GATA4: variants seen among roughly 807,000 people sequenced by gnomAD.
GATA4 encodes the protein GATA binding protein 4, also known as transcription factor GATA-4.
GATA4 carries 7 observed loss-of-function variants against 37.9 expected under a neutral mutation model. The observed-to-expected ratio is 0.18, with a 90% CI of 0.11 to 0.35. The LOEUF (loss-of-function observed/expected upper bound fraction) is 0.35. Among genes scored for constraint, GATA4 ranks in the 10% least tolerant of loss-of-function variants. GATA4 has a pLI of 1.00. For synonymous variants in GATA4, 372 were observed against 292.6 expected (o/e 1.27, Z -2.77); for missense variants, 647 against 653.0 (o/e 0.99, Z 0.10).
intron 1 of GATA4, chr8:11,680,587 C>G (rs925264717): frequency 1.0e-6 from 1 of 985,210 alleles, no homozygotes; most frequent in Non-Finnish European, 1.2e-6. Context: ...CAGGCTATGC[C>G]CAGCCGGGTC....
At chr8:11,732,959 C>T (rs537238375) in intron 2 of GATA4, among the ~76,000 whole-genome samples, 1 of 152,266 alleles carries the variant, frequency 6.6e-6, no homozygotes, top group Admixed American at 6.5e-5. Flanking sequence ...AATGCCCAAC[C>T]TCCAAATACC....
At chr8:11,697,540 G>A in intron 1 of GATA4, 1 of 985,300 alleles carries the variant, frequency 1.0e-6, no homozygotes, top group Non-Finnish European at 1.2e-6. Flanking sequence ...GGTCGTGGAG[G>A]CCACTTTCCC....
chr8:11,707,947 G>A lies in GATA4; in HGVS notation c.-366G>A, dbSNP rs1563199085. On this transcript the variant is annotated 5_prime_UTR_variant, in exon 2 of 7. Coordinates refer to ENST00000532059, the MANE Select transcript of GATA4 (RefSeq NM_001308093.3). This position sits in a 1 kb window ranked among gnomAD's most constrained non-coding sequence, Gnocchi z 4.7. ...CTGGAGGCCTCTCGGTGTGACGAGTGGGGGACCCGAAGGCTCGTGCGCCAC... is the reference window on the plus strand; with the variant it reads ...CTGGAGGCCTCTCGGTGTGACGAGTAGGGGACCCGAAGGCTCGTGCGCCAC... The A allele has an allele frequency of 6.0e-6, 2 of 331,884 alleles. No individual in the cohort carries two copies. Among genetic ancestry groups the A allele is most frequent in the African/African-American group, 4.5e-5 (2 of 44,728 alleles). 20.6% of individuals were successfully genotyped at this position (331,884 alleles called of 1,614,324 possible).
chr8:11,681,003 C>T (rs1425311569), intron 1 of GATA4: 1 of 942,724 alleles, frequency 1.1e-6, no homozygotes, highest in African/African-American at 1.8e-5. Flanking sequence ...AGACCCCGCA[C>T]CCCCGAATCC....
intron 2 of GATA4, among the ~76,000 whole-genome samples, chr8:11,741,012 G>A (rs937904831): frequency 6.6e-6 from 1 of 152,072 alleles, no homozygotes; most frequent in African/African-American, 2.4e-5. Flanking sequence ...GCGATTACAG[G>A]CATGAGCCAC....
intron 2 of GATA4, among the ~76,000 whole-genome samples, chr8:11,740,306 A>G (rs1046253840): frequency 3.3e-5 from 5 of 152,240 alleles, no homozygotes; most frequent in African/African-American, 1.2e-4. Flanking sequence ...TGAGGTCTGC[A>G]GAGGGTGGCC....
At chr8:11,728,813 T>G (rs1801066418) in intron 2 of GATA4, among the ~76,000 whole-genome samples, 1 of 152,240 alleles carries the variant, frequency 6.6e-6, no homozygotes, top group African/African-American at 2.4e-5. Context: ...TTCTCAGTAT[T>G]AATCTACATT....
At chr8:11,727,744 G>A (rs910697806) in intron 2 of GATA4, among the ~76,000 whole-genome samples, 4 of 151,974 alleles carry the variant, frequency 2.6e-5, no homozygotes, top group Admixed American at 2.0e-4. Flanking sequence ...GGGAGGCTGC[G>A]GTGGGACGAT....
At chr8:11,731,786 A>G (rs1471543582) in intron 2 of GATA4, among the ~76,000 whole-genome samples, 1 of 152,258 alleles carries the variant, frequency 6.6e-6, no homozygotes, top group Admixed American at 6.5e-5. Context: ...GCAGTGTACA[A>G]GCTTAGTAAG....
intron 2 of GATA4, among the ~76,000 whole-genome samples, chr8:11,713,590 T>A (rs1403537469): frequency 1.1e-4 from 16 of 147,928 alleles, no homozygotes; most frequent in African/African-American, 4.0e-4. Context: ...AGTCACTGAG[T>A]GGATGAAAGC....
Position 11,681,513 on chromosome 8 carries a change from G to T in GATA4, c.-274+4450G>T, listed in dbSNP as rs1159424803. On this transcript the variant is annotated intron_variant, in intron 1 of 6. Transcript: ENST00000528712. ...CTCGCGGGGGGGGGGGGGGGGATGG[G>T]GTCGGTCCCTCTCGGGAACGGCTGC... is the stretch of plus-strand genomic sequence containing the variant. The T allele has an allele frequency of 4.2e-6, 4 of 950,900 alleles. No individual in the cohort carries two copies. The East Asian group carries it at 3.5e-4, about 83-fold the overall frequency. The allele number at this position is 950,900 out of a possible 1,614,324, so 58.9% of individuals were successfully genotyped here. A position where few individuals can be genotyped will look rare whatever the true frequency, so the allele number is the denominator to read the frequency against.
chr8:11,677,818 G>C (rs1798831267), intron 1 of GATA4, among the ~76,000 whole-genome samples: 2 of 152,000 alleles, frequency 1.3e-5, no homozygotes, highest in African/African-American at 4.8e-5. Flanking sequence ...GTGGGGGTGG[G>C]TTTTGCAGGT....
In GATA4 at chr8:11,708,937, G is replaced by T; in HGVS notation, c.616+9G>T. ...CCGACACCCCAATCTCGGTGAGTAGGAGCGCGAGGGCTGGGGCGCGTGAGG... is the reference window on the plus strand; with the variant it reads ...CCGACACCCCAATCTCGGTGAGTAGTAGCGCGAGGGCTGGGGCGCGTGAGG... On this transcript the variant is annotated intron_variant, in intron 2 of 6. Coordinates refer to ENST00000532059, the MANE Select transcript of GATA4 (RefSeq NM_001308093.3). This position sits in a 1 kb window ranked among gnomAD's most constrained non-coding sequence, Gnocchi z 6.7. The T allele has an allele frequency of 1.3e-6, 2 of 1,524,042 alleles. No homozygotes were observed. Among genetic ancestry groups the T allele is most frequent in the East Asian group, 5.0e-5 (2 of 40,076 alleles). The allele number at this position is 1,524,042 out of a possible 1,614,324, so 94.4% of individuals were successfully genotyped here.
chr8:11,757,120 G>T, intron 6 of GATA4, 37 bp downstream of exon 6: 1 of 1,610,670 alleles, frequency 6.2e-7, no homozygotes, highest in Non-Finnish European at 8.5e-7. Context: ...GCTGTTTGTG[G>T]GGAGGCCGAC....
intron 5 of GATA4, among the ~76,000 whole-genome samples, chr8:11,755,502 CG>C (rs996776432): frequency 2.0e-5 from 3 of 152,140 alleles, no homozygotes; most frequent in African/African-American, 7.2e-5. Context: ...TTTGGGCTAA[CG>C]GGGATCCAGG....
intron 1 of GATA4, among the ~76,000 whole-genome samples, chr8:11,704,772 C>G (rs1799818069): frequency 6.6e-6 from 1 of 152,216 alleles, no homozygotes; most frequent in African/African-American, 2.4e-5. Context: ...TGCCAGGCAG[C>G]TCCGCTGGGC....
At chr8:11,725,753 T>G (rs1431278203) in intron 2 of GATA4, among the ~76,000 whole-genome samples, 1 of 152,206 alleles carries the variant, frequency 6.6e-6, no homozygotes, top group Non-Finnish European at 1.5e-5. Context: ...AAGCCATTAT[T>G]ACTCGGCACC....
intron 1 of GATA4, chr8:11,692,769 G>A (rs1799359992): frequency 1.0e-6 from 1 of 983,058 alleles, no homozygotes; most frequent in Non-Finnish European, 1.2e-6. Flanking sequence ...CGGGGGGCGG[G>A]AAGCGAGGCT....
At chr8:11,683,023 C>G in intron 1 of GATA4, 1 of 979,664 alleles carries the variant, frequency 1.0e-6, no homozygotes, top group East Asian at 1.1e-4. Flanking sequence ...TGGAAACAGC[C>G]TCGGTGCGCG....
Sources: allele counts gnomAD v4.1 joint callset (sites outside exome capture counted in the v4.1 genomes callset), GRCh38; gene constraint gnomAD v4.1.1; non-coding constraint Gnocchi (gnomAD v3.1); transcripts MANE v1.5; gene names NCBI Gene and HGNC (gene_info 2026-07-23, HGNC 2026-07-21).